Variants in HSPA12A observed in about 807,000 individuals in gnomAD.
The protein encoded by HSPA12A is heat shock protein family A (Hsp70) member 12A, also known as heat shock 70 kDa protein 12A.
Under a neutral mutation model 69.2 loss-of-function variants are expected in HSPA12A, and 28 were observed. The ratio of observed to expected loss-of-function variants is 0.40; its 90% CI spans 0.30 to 0.55. The LOEUF is 0.55. Among genes scored for constraint, HSPA12A ranks in the 20% least tolerant of loss-of-function variants. The probability of loss-of-function intolerance (pLI) is 0.38; values close to 1 mark genes in which losing one functional copy is unlikely to be tolerated. For missense variants in HSPA12A, 686 were observed against 900.7 expected (o/e 0.76, Z 3.05); for synonymous variants, 345 against 370.5 (o/e 0.93, Z 0.79).
intron 1 of HSPA12A, among the ~76,000 whole-genome samples, chr10:116,842,217 A>T (rs1845813366): frequency 6.6e-6 from 1 of 152,242 alleles, no homozygotes. Context: ...GCAACAAAAC[A>T]GGCACAAAAG....
At chr10:116,825,726 C>T (rs1206354136) in intron 2 of HSPA12A, among the ~76,000 whole-genome samples, 2 of 152,112 alleles carry the variant, frequency 1.3e-5, no homozygotes, top group Non-Finnish European at 2.9e-5. Flanking sequence ...GTGGCTGCTG[C>T]TAATGGGTAT....
At position 116,705,578 on chromosome 10, in the gene HSPA12A, A is replaced by G. The variant is rs140025586; in HGVS notation, c.127-300T>C. ...GCACACGGCTAGTTACAGAAATTCT[A>G]TCATCAGGGCTGGTCGCCCAGTAGT... On this transcript the variant is annotated intron_variant, in intron 2 of 11. Coordinates refer to ENST00000369209, the MANE Select transcript of HSPA12A (RefSeq NM_025015.3). 1.6e-3 allele frequency among the ~76,000 whole-genome samples: 250 copies of G among 152,326 alleles called. 1 individual carries two copies. Among genetic ancestry groups the G allele is most frequent in the African/African-American group, 5.5e-3 (227 of 41,592 alleles).
intron 5 of HSPA12A, among the ~76,000 whole-genome samples, chr10:116,694,814 G>A (rs902203532): frequency 1.3e-5 from 2 of 152,028 alleles, no homozygotes; most frequent in Admixed American, 6.5e-5. Flanking sequence ...GGTCCACCTC[G>A]TTGTGCCCCT....
intron 1 of HSPA12A, among the ~76,000 whole-genome samples, chr10:116,837,002 T>A (rs1025909223): frequency 1.3e-5 from 2 of 152,038 alleles, no homozygotes; most frequent in African/African-American, 2.4e-5. Context: ...GGGGCCTTGG[T>A]TTGGGAAGGA....
intron 2 of HSPA12A, among the ~76,000 whole-genome samples, chr10:116,706,468 C>T (rs1850254300): frequency 6.6e-6 from 1 of 152,116 alleles, no homozygotes; most frequent in Non-Finnish European, 1.5e-5. Context: ...GTGTAAAGGC[C>T]GGACAGTTCC....
At chr10:116,782,676 T>C (rs1373816488) in intron 2 of HSPA12A, among the ~76,000 whole-genome samples, 4 of 152,146 alleles carry the variant, frequency 2.6e-5, no homozygotes, top group African/African-American at 9.7e-5. Context: ...GTAGGGCTCA[T>C]AGACATGCTA....
chr10:116,729,960 C>T (rs560792738), intron 1 of HSPA12A, among the ~76,000 whole-genome samples: 1 of 152,334 alleles, frequency 6.6e-6, no homozygotes, highest in Non-Finnish European at 1.5e-5. Flanking sequence ...TGGCTTACGC[C>T]TGTAATCCCA....
chr10:116,735,576 GCGAGGTCATCTTGGACTACCCAGA>G (rs1240150499), intron 1 of HSPA12A, among the ~76,000 whole-genome samples: 2 of 152,198 alleles, frequency 1.3e-5, no homozygotes, highest in African/African-American at 4.8e-5. Flanking sequence ...AGACCTGTGA[GCGAGGTCATCTTGGACTACCCAGA>G]CTAGTTGAGC....
chr10:116,803,802 TCTGA>T (rs1845010316), intron 2 of HSPA12A, among the ~76,000 whole-genome samples: 1 of 152,244 alleles, frequency 6.6e-6, no homozygotes, highest in African/African-American at 2.4e-5. Flanking sequence ...TCCCGTCTTC[TCTGA>T]CTGCGTGACC....
At chr10:116,830,814 T>A (rs976528853) in intron 2 of HSPA12A, 1 of 134,792 alleles carries the variant, frequency 7.4e-6, no homozygotes, top group Non-Finnish European at 1.5e-5. Context: ...AATATACATA[T>A]AAAAGCCTAT....
At position 116,725,001 on chromosome 10, in the gene HSPA12A, C is replaced by T. The variant is rs782676764; in HGVS notation, c.40+17429G>A. Among the ~76,000 whole-genome samples, 4 of 152,192 alleles carry T rather than the reference C, an allele frequency of 2.6e-5. No individual in the cohort carries two copies. In the South Asian group the frequency reaches 6.2e-4, roughly 24 times the overall value. ...TCAGCTCCGTCCCCCAGAGGAGGAA[C>T]CAGAAGCTCTGGAGGTGTTGAGACC... On this transcript the variant is annotated intron_variant, in intron 1 of 11. Transcript: ENST00000369209.
chr10:116,760,329 G>A (rs1207487315), intron 2 of HSPA12A, among the ~76,000 whole-genome samples: 2 of 152,164 alleles, frequency 1.3e-5, no homozygotes, highest in East Asian at 1.9e-4. Context: ...AGGGCACCGA[G>A]AGCTCCCTGT....
rs201992486 is a variant in HSPA12A at position 116,682,458 on chromosome 10, G to C, written c.836-581C>G. On this transcript the variant is annotated intron_variant, in intron 7 of 11. Transcript: ENST00000369209. ...CATGCACCCTGGGTAAATAGACTGG[G>C]GGGGGGGGCCATTTCCTGACCCAGC... is the stretch of plus-strand genomic sequence containing the variant. Among the ~76,000 whole-genome samples, 799 of 151,484 alleles carry C rather than the reference G, an allele frequency of 5.3e-3. 14 individuals carry two copies. Among genetic ancestry groups the C allele is most frequent in the Admixed American group, 0.041 (621 of 15,090 alleles).
chr10:116,784,809 A>G (rs1287356780), intron 2 of HSPA12A, among the ~76,000 whole-genome samples: 1 of 152,162 alleles, frequency 6.6e-6, no homozygotes, highest in Non-Finnish European at 1.5e-5. Context: ...ATAAATAGAA[A>G]TCAACATAGA....
intron 2 of HSPA12A, among the ~76,000 whole-genome samples, chr10:116,758,163 C>T (rs1435684995): frequency 1.3e-5 from 2 of 152,156 alleles, no homozygotes; most frequent in East Asian, 1.9e-4. Flanking sequence ...TGTCTTAATG[C>T]TAGGTACCTA....
At chr10:116,769,330 A>G (rs782046318) in intron 2 of HSPA12A, among the ~76,000 whole-genome samples, 1 of 152,170 alleles carries the variant, frequency 6.6e-6, no homozygotes, top group Non-Finnish European at 1.5e-5. Flanking sequence ...TCATCACCAG[A>G]CCCTCATTCC....
intron 2 of HSPA12A, chr10:116,751,355 TTAAAG>T (rs1851773615): frequency 6.5e-6 from 1 of 154,970 alleles, no homozygotes; most frequent in Non-Finnish European, 1.4e-5. Context: ...TAAGTAAAAA[TTAAAG>T]TTGCATGTAC....
At chr10:116,765,748 G>T (rs923394370) in intron 2 of HSPA12A, among the ~76,000 whole-genome samples, 7 of 152,182 alleles carry the variant, frequency 4.6e-5, no homozygotes, top group African/African-American at 1.7e-4. Flanking sequence ...GTTCTCGAGG[G>T]TGGTGATGGC....
rs1223475599 is a variant in HSPA12A, at chr10:116,674,109, A to G, written c.*672T>C. 1 of 152,026 alleles carries G rather than the reference A, an allele frequency of 6.6e-6. No homozygotes were observed. Among genetic ancestry groups the G allele is most frequent in the African/African-American group, 2.4e-5 (1 of 41,136 alleles). The allele number at this position is 152,026 out of a possible 1,614,324, so 9.4% of individuals were successfully genotyped here. On this transcript the variant is annotated 3_prime_UTR_variant, in exon 12 of 12. Transcript: ENST00000369209. ...TTTTCACCTGCTAAGAATGTGAGGT[A>G]TCAGCTCTCCTACTCACAAAAGCCC...
Sources: gnomAD v4.1 joint callset for allele counts (sites outside exome capture counted in the v4.1 genomes callset) on GRCh38, gnomAD v4.1.1 for gene constraint, MANE v1.5 for transcripts, NCBI Gene and HGNC (gene_info 2026-07-23, HGNC 2026-07-21) for gene names.